Variants in PCDH7 observed in about 807,000 individuals in gnomAD.
The protein encoded by PCDH7 is protocadherin-7.
Under a neutral mutation model 58.9 loss-of-function variants are expected in PCDH7, and 17 were observed. That is an observed-to-expected ratio of 0.29 (90% CI 0.20 to 0.43). The LOEUF (loss-of-function observed/expected upper bound fraction) is 0.43. Ranked by LOEUF, PCDH7 falls within the 20% of genes least tolerant of loss-of-function variation. The pLI is 1.00. For synonymous variants in PCDH7, 664 were observed against 616.4 expected, an observed-to-expected ratio of 1.08 and a Z score of -1.14; for missense variants, 1,274 against 1,441.0, an observed-to-expected ratio of 0.88 and a Z score of 1.88.
At chr4:31,053,899 C>T (rs1198286506) in intron 3 of PCDH7, among the ~76,000 whole-genome samples, 1 of 151,900 alleles carries the variant, frequency 6.6e-6, no homozygotes, top group East Asian at 1.9e-4. Flanking sequence ...CTAAAATTTT[C>T]TGGTTATTTG....
chr4:31,028,348 T>C (rs1345432250), intron 3 of PCDH7, among the ~76,000 whole-genome samples: 1 of 152,164 alleles, frequency 6.6e-6, no homozygotes, highest in African/African-American at 2.4e-5. Flanking sequence ...AAAATCTTCC[T>C]TAAAACAGAA....
chr4:30,972,917 T>C (rs550880996), intron 3 of PCDH7, among the ~76,000 whole-genome samples: 2 of 152,332 alleles, frequency 1.3e-5, no homozygotes, highest in African/African-American at 4.8e-5. Flanking sequence ...TGGTTCTTTC[T>C]AGTTTAAACA....
intron 1 of PCDH7, among the ~76,000 whole-genome samples, chr4:30,871,462 G>C (rs1262753769): frequency 6.6e-6 from 1 of 152,034 alleles, no homozygotes; most frequent in African/African-American, 2.4e-5. Context: ...ATAATATTCT[G>C]TTGGTGAGCA....
chr4:30,756,940 A>G (rs1719384341), intron 1 of PCDH7, among the ~76,000 whole-genome samples: 1 of 152,162 alleles, frequency 6.6e-6, no homozygotes, highest in South Asian at 2.1e-4. Context: ...TGGATCTTTC[A>G]GCCTTACTGT....
intron 3 of PCDH7, among the ~76,000 whole-genome samples, chr4:30,952,930 C>A (rs1747510035): frequency 6.6e-6 from 1 of 152,164 alleles, no homozygotes; most frequent in Admixed American, 6.5e-5. Flanking sequence ...TACCAAGATA[C>A]TCATAACACT....
At chr4:30,917,209 T>C (rs1328371562) in intron 1 of PCDH7, among the ~76,000 whole-genome samples, 1 of 152,172 alleles carries the variant, frequency 6.6e-6, no homozygotes, top group East Asian at 1.9e-4. Flanking sequence ...TCTCTCTGTC[T>C]CTCTCTCATT....
At position 30,812,556 on chromosome 4, in the gene PCDH7, A is replaced by G. The variant is rs528480645; in HGVS notation, c.70+87960A>G. ...TCAACAGTGAATAGTAATACAATTC[A>G]TATTGATGAATTCTGTTAAGCTATT... On this transcript the variant is annotated intron_variant, in intron 1 of 3. Transcript: ENST00000509759. 3.9e-5 allele frequency among the ~76,000 whole-genome samples: 6 copies of G among 152,300 alleles called. No individual in the cohort carries two copies. The South Asian group carries it at 1.0e-3, about 26-fold the overall frequency.
intron 1 of PCDH7, among the ~76,000 whole-genome samples, chr4:30,728,761 T>C (rs1052993863): frequency 1.3e-5 from 2 of 151,552 alleles, no homozygotes; most frequent in African/African-American, 4.8e-5. Flanking sequence ...TCTAGTACAA[T>C]AAATATGGCA....
At chr4:30,923,399 C>T (rs376313761) in intron 2 of PCDH7, among the ~76,000 whole-genome samples, 1 of 152,054 alleles carries the variant, frequency 6.6e-6, no homozygotes, top group Non-Finnish European at 1.5e-5. Flanking sequence ...TTTACAAAAG[C>T]GTTATCTTCC....
intron 1 of PCDH7, chr4:30,786,646 C>T: frequency 3.4e-6 from 1 of 291,726 alleles, no homozygotes; most frequent in African/African-American, 2.3e-5. Flanking sequence ...CCAAGATGTG[C>T]AGTCCAAGCT....
chr4:31,043,237 A>G (rs935463847), intron 3 of PCDH7, among the ~76,000 whole-genome samples: 4 of 152,288 alleles, frequency 2.6e-5, no homozygotes, highest in Admixed American at 1.3e-4. Context: ...ATGTGCTTCA[A>G]TGAACATATG....
At chr4:30,870,393 T>C (rs953563284) in intron 1 of PCDH7, among the ~76,000 whole-genome samples, 1 of 152,180 alleles carries the variant, frequency 6.6e-6, no homozygotes, top group Non-Finnish European at 1.5e-5. Flanking sequence ...GCCTAGGTTT[T>C]CTTCCAGGGA....
At chr4:31,079,783 A>C (rs965377271) in intron 3 of PCDH7, among the ~76,000 whole-genome samples, 2 of 152,046 alleles carry the variant, frequency 1.3e-5, no homozygotes, top group Admixed American at 1.3e-4. Flanking sequence ...CCAAATGTCC[A>C]TTACCAGAAG....
Position 30,752,835 on chromosome 4 carries a change from C to CTGGAAAA in PCDH7, c.70+28243_70+28249dup, listed in dbSNP as rs1718749912. Among the ~76,000 whole-genome samples, 3 of 149,088 alleles carry CTGGAAAA rather than the reference C, an allele frequency of 2.0e-5. No homozygotes were observed. The South Asian group carries it at 6.4e-4, about 32-fold the overall frequency. On this transcript the variant is annotated intron_variant, in intron 1 of 3. Coordinates refer to the PCDH7 transcript ENST00000509759. ...AAAGAAAAAAAAGAAAAAAAGAACT[C>CTGGAAAA]TGGAAAATGGGACAGATTTTATAAC...
chr4:31,099,620 A>T (rs1021432229), intron 3 of PCDH7, among the ~76,000 whole-genome samples: 2 of 152,124 alleles, frequency 1.3e-5, no homozygotes, highest in African/African-American at 4.8e-5. Flanking sequence ...TATCTGTTTG[A>T]TTCTTATTAA....
chr4:30,879,116 G>A (rs1484894241), intron 1 of PCDH7, among the ~76,000 whole-genome samples: 2 of 89,434 alleles, frequency 2.2e-5, no homozygotes, highest in Non-Finnish European at 5.1e-5. Flanking sequence ...GGTTTCTCTG[G>A]AAATAATCAG....
rs559067491 is a variant in PCDH7, at chr4:30,772,149, C to T, written c.70+47553C>T. Reference sequence around the variant, plus strand: ...ACTCCAAAAGTGCTGGGATTACAGGCGTGAGCCACCGCTCTCAGCTATGGG... The same window carrying T: ...ACTCCAAAAGTGCTGGGATTACAGGTGTGAGCCACCGCTCTCAGCTATGGG... On this transcript the variant is annotated intron_variant, in intron 1 of 3. Coordinates refer to the PCDH7 transcript ENST00000509759. Among the ~76,000 whole-genome samples the T allele has an allele frequency of 1.5e-4, 23 of 152,256 alleles. No individual in the cohort carries two copies. The East Asian group carries it at 3.9e-3, about 26-fold the overall frequency.
intron 3 of PCDH7, among the ~76,000 whole-genome samples, chr4:31,137,661 T>C (rs1205082014): frequency 6.6e-6 from 1 of 152,170 alleles, no homozygotes; most frequent in Non-Finnish European, 1.5e-5. Context: ...TGTCAAGTAA[T>C]GTTAATCATA....
At chr4:30,976,833 G>A (rs1027899695) in intron 3 of PCDH7, among the ~76,000 whole-genome samples, 2 of 152,104 alleles carry the variant, frequency 1.3e-5, no homozygotes, top group East Asian at 3.9e-4. Flanking sequence ...TTAAACAAGA[G>A]TAAACAATTA....
Sources: allele counts gnomAD v4.1 joint callset (sites outside exome capture counted in the v4.1 genomes callset), GRCh38; gene constraint gnomAD v4.1.1; transcripts MANE v1.5; gene names NCBI Gene and HGNC (gene_info 2026-07-23, HGNC 2026-07-21).